The following IL1RAPL1 variants were observed in gnomAD, a reference collection of about 807,000 sequenced individuals.
IL1RAPL1 encodes the protein interleukin 1 receptor accessory protein like 1, also known as interleukin-1 receptor accessory protein-like 1.
A neutral mutation model predicts 48.4 loss-of-function variants in IL1RAPL1; 3 were observed. The observed-to-expected ratio is 0.06, with a 90% CI of 0.03 to 0.16. IL1RAPL1 has a LOEUF of 0.16. Among genes scored for constraint, IL1RAPL1 ranks in the 10% least tolerant of loss-of-function variants. The pLI is 1.00. For missense variants in IL1RAPL1, 349 were observed against 530.6 expected, an observed-to-expected ratio of 0.66 and a Z score of 3.36; for synonymous variants, 185 against 187.7, an observed-to-expected ratio of 0.99 and a Z score of 0.12.
At position 28,915,939 on chromosome X, in the gene IL1RAPL1, A is replaced by ATG. The variant is rs201450882; in HGVS notation, c.82+126518_82+126519dup. On this transcript the variant is annotated intron_variant, in intron 2 of 10. Coordinates refer to ENST00000378993, the MANE Select transcript of IL1RAPL1 (RefSeq NM_014271.4). ...AATATATCTATCTATCTATATATGT[A>ATG]TGTGTATATATATATATATATATGC... Among the ~76,000 whole-genome samples, 435 of 107,627 alleles carry ATG rather than the reference A, an allele frequency of 4.0e-3. 3 individuals are homozygous for ATG. Among genetic ancestry groups the ATG allele is most frequent in the African/African-American group, 0.014 (411 of 28,930 alleles). The allele number at this position is 107,627 out of a possible 115,157, so 93.5% of individuals were successfully genotyped here. A position where few individuals can be genotyped will look rare whatever the true frequency, so the allele number is the denominator to read the frequency against.
intron 2 of IL1RAPL1, among the ~76,000 whole-genome samples, chrX:28,883,229 CT>C (rs1430000772): frequency 5.4e-5 from 6 of 111,687 alleles, no homozygotes; most frequent in South Asian, 3.7e-4. Flanking sequence ...GCAAACCTCT[CT>C]TTTTTTGTAT....
At chrX:29,022,783 CT>C (rs1252134118) in intron 2 of IL1RAPL1, among the ~76,000 whole-genome samples, 1 of 109,829 alleles carries the variant, frequency 9.1e-6, no homozygotes, top group Non-Finnish European at 1.9e-5. Flanking sequence ...ATGCAACAAT[CT>C]TGCTTAAATA....
intron 5 of IL1RAPL1, among the ~76,000 whole-genome samples, chrX:29,576,316 C>T (rs1303973519): frequency 8.9e-6 from 1 of 111,853 alleles, no homozygotes; most frequent in Admixed American, 9.4e-5. Context: ...TCTATTTTAG[C>T]CCTTGACCTT....
intron 5 of IL1RAPL1, among the ~76,000 whole-genome samples, chrX:29,620,609 A>C (rs1924430610): frequency 8.9e-6 from 1 of 112,257 alleles, no homozygotes; most frequent in African/African-American, 3.2e-5. Context: ...TTATTAGTTT[A>C]CTAAATAAGA....
intron 6 of IL1RAPL1, among the ~76,000 whole-genome samples, chrX:29,819,137 C>T: frequency 1.8e-5 from 2 of 111,520 alleles, no homozygotes. Flanking sequence ...AAAATATTCA[C>T]ATGCATGAAT....
chrX:29,725,616 T>C (rs1482022504), intron 6 of IL1RAPL1, among the ~76,000 whole-genome samples: 1 of 111,722 alleles, frequency 9.0e-6, no homozygotes, highest in East Asian at 2.8e-4. Context: ...GGTCCATCTC[T>C]GGCATCCTCC....
At chrX:29,072,401 C>T (rs1330646490) in intron 2 of IL1RAPL1, among the ~76,000 whole-genome samples, 1 of 111,670 alleles carries the variant, frequency 9.0e-6, no homozygotes, top group East Asian at 2.8e-4. Context: ...TTCTCATCTC[C>T]CCTTTCCTGG....
chrX:29,472,003 A>G (rs1934927400), intron 5 of IL1RAPL1, among the ~76,000 whole-genome samples: 1 of 111,794 alleles, frequency 8.9e-6, no homozygotes, highest in Non-Finnish European at 1.9e-5. Context: ...GTGCATAGCC[A>G]GTCATCTTGA....
intron 5 of IL1RAPL1, among the ~76,000 whole-genome samples, chrX:29,488,435 T>TCAACAA (rs754305190): frequency 1.8e-5 from 2 of 111,784 alleles, no homozygotes; most frequent in Non-Finnish European, 3.8e-5. Context: ...AGACTCCATC[T>TCAACAA]CAACAACAAC....
At chrX:29,922,093 G>A (rs1411590456) in intron 8 of IL1RAPL1, among the ~76,000 whole-genome samples, 1 of 110,483 alleles carries the variant, frequency 9.1e-6, no homozygotes, top group Non-Finnish European at 1.9e-5. Flanking sequence ...CAGTTAAGTA[G>A]GAATCAAAGG....
chrX:29,137,566 A>G (rs1224261451), intron 2 of IL1RAPL1, among the ~76,000 whole-genome samples: 1 of 111,840 alleles, frequency 8.9e-6, no homozygotes, highest in Non-Finnish European at 1.9e-5. Flanking sequence ...TATGCTTGAG[A>G]TTTTCGTCTT....
At chrX:29,629,785 C>G (rs778917263) in intron 5 of IL1RAPL1, among the ~76,000 whole-genome samples, 1 of 111,778 alleles carries the variant, frequency 8.9e-6, no homozygotes, top group African/African-American at 3.2e-5. Context: ...AAACAAAGAA[C>G]GAAAAGATCA....
intron 2 of IL1RAPL1, among the ~76,000 whole-genome samples, chrX:29,106,939 G>A (rs908201536): frequency 1.8e-5 from 2 of 111,062 alleles, no homozygotes; most frequent in Non-Finnish European, 3.8e-5. Flanking sequence ...CTTACTGAGG[G>A]GAAATGGGCC....
intron 2 of IL1RAPL1, among the ~76,000 whole-genome samples, chrX:28,847,024 T>A (rs900756101): frequency 1.8e-5 from 2 of 111,884 alleles, no homozygotes; most frequent in African/African-American, 6.5e-5. Context: ...ATCTGCTTAG[T>A]TGACATCTTT....
intron 5 of IL1RAPL1, among the ~76,000 whole-genome samples, chrX:29,499,902 A>C (rs1186986197): frequency 8.9e-6 from 1 of 112,089 alleles, no homozygotes; most frequent in East Asian, 2.8e-4. Context: ...AAATCAGTGT[A>C]ATTGAGATAC....
chrX:29,075,810 A>G (rs1927657801), intron 2 of IL1RAPL1, among the ~76,000 whole-genome samples: 1 of 111,732 alleles, frequency 8.9e-6, no homozygotes, highest in African/African-American at 3.2e-5. Flanking sequence ...GATTTGGGCA[A>G]TACCCAGGAC....
At chrX:29,625,068 G>A (rs1924577628) in intron 5 of IL1RAPL1, among the ~76,000 whole-genome samples, 1 of 111,598 alleles carries the variant, frequency 9.0e-6, no homozygotes, top group Non-Finnish European at 1.9e-5. Flanking sequence ...AGCAGTGATA[G>A]TCAATACTGA....
At chrX:29,086,044 A>G (rs1927945511) in intron 2 of IL1RAPL1, among the ~76,000 whole-genome samples, 1 of 112,455 alleles carries the variant, frequency 8.9e-6, no homozygotes, top group African/African-American at 3.2e-5. Flanking sequence ...AATGTCTAAT[A>G]ATCTGAACTC....
intron 2 of IL1RAPL1, among the ~76,000 whole-genome samples, chrX:29,039,819 G>A (rs1407004484): frequency 9.5e-6 from 1 of 105,066 alleles, no homozygotes. Flanking sequence ...TCCTGAGGCA[G>A]TCTAATGGCA....
Sources: gnomAD v4.1 joint callset for allele counts (sites outside exome capture counted in the v4.1 genomes callset) on GRCh38, gnomAD v4.1.1 for gene constraint, MANE v1.5 for transcripts, NCBI Gene and HGNC (gene_info 2026-07-23, HGNC 2026-07-21) for gene names.